Variants in SEMA3C observed in about 807,000 individuals in gnomAD.
SEMA3C encodes the protein semaphorin-3C.
Under a neutral mutation model 89.4 loss-of-function variants are expected in SEMA3C, and 47 were observed. The ratio of observed to expected loss-of-function variants is 0.53; its 90% CI spans 0.42 to 0.67. The LOEUF (loss-of-function observed/expected upper bound fraction) is 0.67, where lower values mean the gene tolerates loss of function less well. Ranked by LOEUF, SEMA3C falls within the 30% of genes least tolerant of loss-of-function variation. The probability of loss-of-function intolerance (pLI) is 0.00; values close to 1 mark genes in which losing one functional copy is unlikely to be tolerated. For missense variants in SEMA3C, 839 were observed against 929.1 expected, an observed-to-expected ratio of 0.90 and a Z score of 1.26; for synonymous variants, 310 against 320.2, an observed-to-expected ratio of 0.97 and a Z score of 0.34.
intron 2 of SEMA3C, among the ~76,000 whole-genome samples, chr7:80,887,439 A>G (rs1377251352): frequency 6.6e-6 from 1 of 152,182 alleles, no homozygotes; most frequent in African/African-American, 2.4e-5. Context: ...TTCAGTAAAT[A>G]TATTAACTTT....
intron 1 of SEMA3C, among the ~76,000 whole-genome samples, chr7:80,917,919 A>G (rs1358959786): frequency 5.3e-5 from 8 of 152,364 alleles, no homozygotes; most frequent in African/African-American, 1.9e-4. Flanking sequence ...TACAGAATAA[A>G]AAGAATTAAA....
chr7:80,793,943 C>T (rs564761421), intron 11 of SEMA3C, among the ~76,000 whole-genome samples: 1 of 151,784 alleles, frequency 6.6e-6, no homozygotes, highest in African/African-American at 2.4e-5. Flanking sequence ...ATTTCTAGTA[C>T]TGGTCTATGA....
intron 16 of SEMA3C, 112 bp from the exon 17 acceptor site, chr7:80,749,140 C>G: frequency 5.4e-6 from 6 of 1,110,776 alleles, no homozygotes; most frequent in Non-Finnish European, 7.2e-6. Context: ...AAATTGTGAA[C>G]AACTATCGCA....
chr7:80,867,159 T>A (rs7785194), intron 2 of SEMA3C, among the ~76,000 whole-genome samples: 15,119 of 152,238 alleles, frequency 0.099, 1,062 homozygotes, highest in African/African-American at 0.19. Context: ...GATTAATGGT[T>A]GTAGAAAAAG....
intron 2 of SEMA3C, among the ~76,000 whole-genome samples, chr7:80,864,586 A>C (rs1015403965): frequency 3.3e-5 from 5 of 152,068 alleles, no homozygotes; most frequent in African/African-American, 1.2e-4. Context: ...AAAGAAAAAC[A>C]AAAGCCCCTC....
intron 1 of SEMA3C, among the ~76,000 whole-genome samples, chr7:80,917,135 C>G (rs1467690213): frequency 6.6e-6 from 1 of 152,202 alleles, no homozygotes; most frequent in Non-Finnish European, 1.5e-5. Context: ...GATCTTCTCT[C>G]TAGAAATCCA....
intron 13 of SEMA3C, among the ~76,000 whole-genome samples, chr7:80,761,861 G>A (rs888286526): frequency 6.6e-6 from 1 of 151,928 alleles, no homozygotes; most frequent in Non-Finnish European, 1.5e-5. Context: ...GGATAGAGTT[G>A]TTACACAGAT....
At chr7:80,802,007 T>C (rs1040591565) in intron 9 of SEMA3C, among the ~76,000 whole-genome samples, 1 of 152,132 alleles carries the variant, frequency 6.6e-6, no homozygotes, top group South Asian at 2.1e-4. Context: ...TACCTTCTAA[T>C]GAATTAAGGT....
At chr7:80,921,002 G>A (rs1333860964), upstream of SEMA3C, among the ~76,000 whole-genome samples, 5 of 152,166 alleles carry the variant, frequency 3.3e-5, no homozygotes, top group African/African-American at 1.2e-4. Flanking sequence ...GCAAATTCAC[G>A]TAAGATGGAA....
intron 6 of SEMA3C, among the ~76,000 whole-genome samples, chr7:80,806,194 G>C (rs1436522651): frequency 6.6e-6 from 1 of 152,070 alleles, no homozygotes; most frequent in East Asian, 1.9e-4. Flanking sequence ...TCCCTAACAA[G>C]CTGGGAACTA....
intron 13 of SEMA3C, among the ~76,000 whole-genome samples, chr7:80,763,105 T>G (rs978520024): frequency 1.3e-5 from 2 of 152,150 alleles, no homozygotes; most frequent in African/African-American, 4.8e-5. Flanking sequence ...TACTTCTAAT[T>G]CTAGTTAAAC....
At chr7:80,905,759 A>T in intron 2 of SEMA3C, 3 of 827,700 alleles carry the variant, frequency 3.6e-6, no homozygotes, top group Non-Finnish European at 5.3e-6. Flanking sequence ...TGAGGTGTCT[A>T]TGCTTCTTTT....
intron 13 of SEMA3C, among the ~76,000 whole-genome samples, chr7:80,762,185 T>C (rs939883820): frequency 1.3e-5 from 2 of 152,092 alleles, no homozygotes; most frequent in African/African-American, 4.8e-5. Context: ...AAGGAAATTT[T>C]TGGAATATTC....
At position 80,764,677 on chromosome 7, in the gene SEMA3C, T is replaced by C. The variant is rs1788257253; in HGVS notation, c.1443+478A>G. ...AGAGACAACATTTGTTTTATTTAAC[T>C]GAAGTGACATTTGAATTAAAGGCAA... On this transcript the variant is annotated intron_variant, in intron 13 of 17. Coordinates refer to ENST00000265361, the MANE Select transcript of SEMA3C (RefSeq NM_006379.5). Among the ~76,000 whole-genome samples, 3 of 152,280 alleles carry C rather than the reference T, an allele frequency of 2.0e-5. No individual in the cohort carries two copies. The South Asian group carries it at 6.2e-4, about 32-fold the overall frequency.
At chr7:80,863,660 CAT>C (rs57236307) in intron 2 of SEMA3C, among the ~76,000 whole-genome samples, 7 of 147,316 alleles carry the variant, frequency 4.8e-5, no homozygotes, top group Admixed American at 2.0e-4. Flanking sequence ...ATATATATCA[CAT>C]ATATATATAT....
chr7:80,899,022 T>C (rs1233046090), intron 2 of SEMA3C, among the ~76,000 whole-genome samples: 1 of 152,104 alleles, frequency 6.6e-6, no homozygotes, highest in African/African-American at 2.4e-5. Flanking sequence ...AAATAAACAT[T>C]CTTATGTGCC....
intron 2 of SEMA3C, among the ~76,000 whole-genome samples, chr7:80,860,212 C>T (rs1021597458): frequency 2.0e-5 from 3 of 151,952 alleles, no homozygotes; most frequent in Non-Finnish European, 4.4e-5. Flanking sequence ...TAAACTATAC[C>T]TATGACTATA....
upstream of SEMA3C, chr7:80,919,148 A>G (rs1257250677): frequency 1.0e-6 from 1 of 984,502 alleles, no homozygotes; most frequent in Non-Finnish European, 1.2e-6. Context: ...GCCGCCCTGC[A>G]GGCTCGCATC....
At chr7:80,758,279 G>C in intron 15 of SEMA3C, 52 bp downstream of exon 15, 3 of 1,561,738 alleles carry the variant, frequency 1.9e-6, no homozygotes, top group Non-Finnish European at 2.6e-6. Context: ...AAACACTTCT[G>C]TATTGTCTGG....
Sources: gnomAD v4.1 joint callset for allele counts (sites outside exome capture counted in the v4.1 genomes callset) on GRCh38, gnomAD v4.1.1 for gene constraint, MANE v1.5 for transcripts, NCBI Gene and HGNC (gene_info 2026-07-23, HGNC 2026-07-21) for gene names.